TECR: variants seen among roughly 807,000 people sequenced by gnomAD.
The protein encoded by TECR is very-long-chain enoyl-CoA reductase.
In TECR, 19 loss-of-function variants were observed where a neutral mutation model predicts 50.6. That is an observed-to-expected ratio of 0.38 (90% CI 0.26 to 0.55). TECR has a LOEUF of 0.55. Ranked by LOEUF, TECR falls within the 20% of genes least tolerant of loss-of-function variation. The pLI, the probability that TECR is intolerant of heterozygous loss-of-function variation, is 0.79. For synonymous variants in TECR, 168 were observed against 163.5 expected (o/e 1.03, Z -0.21); for missense variants, 313 against 408.3 (o/e 0.77, Z 2.01).
intron 1 of TECR, among the ~76,000 whole-genome samples, chr19:14,546,741 G>A (rs113272284): frequency 0.2 from 29,743 of 151,978 alleles, 3,223 homozygotes; most frequent in South Asian, 0.38. Context: ...CTGGAGTGCC[G>A]TGTCGCGATC....
At chr19:14,556,413 A>AAAAAAAAAC (rs142293376) in intron 1 of TECR, among the ~76,000 whole-genome samples, 1 of 86,514 alleles carries the variant, frequency 1.2e-5, no homozygotes, top group Admixed American at 1.2e-4. Flanking sequence ...TCTCTCAAAA[A>AAAAAAAAAC]AAAAACAAAA....
intron 1 of TECR, among the ~76,000 whole-genome samples, chr19:14,549,541 G>C (rs1167594628): frequency 6.6e-6 from 1 of 152,000 alleles, no homozygotes; most frequent in African/African-American, 2.4e-5. Context: ...TGCCCAGCCT[G>C]GCCTCAAACT....
Position 14,549,867 on chromosome 19 carries a change from C to T in TECR, c.16-12658C>T, listed in dbSNP as rs1359728421. The stretch of plus-strand genomic sequence containing the variant: ...CTGAGGCAGGAGAATCACTGGAACT[C>T]GGCATGCGGAGGTTGCAGTGAGCCG... On this transcript the variant is annotated intron_variant, in intron 1 of 12. Transcript: ENST00000215567. Among the ~76,000 whole-genome samples, 3 of 151,734 alleles carry T rather than the reference C, an allele frequency of 2.0e-5. 1 individual carries two copies. Among genetic ancestry groups the T allele is most frequent in the South Asian group, 4.2e-4 (2 of 4,716 alleles).
intron 1 of TECR, among the ~76,000 whole-genome samples, chr19:14,547,266 G>T (rs2073339049): frequency 2.0e-5 from 3 of 152,140 alleles, no homozygotes. Context: ...CCGACAGTAG[G>T]CCAGAAATGA....
At chr19:14,535,205 TCCA>T (rs989341589) in intron 1 of TECR, among the ~76,000 whole-genome samples, 3 of 150,776 alleles carry the variant, frequency 2.0e-5, no homozygotes, top group African/African-American at 7.3e-5. Flanking sequence ...AAACCCCCTC[TCCA>T]CTAAAAATAT....
chr19:14,564,695 C>A, intron 7 of TECR, 91 bp from the exon 8 acceptor site: 2 of 1,416,220 alleles, frequency 1.4e-6, no homozygotes, highest in South Asian at 1.2e-5. Context: ...CCTTTCCCAC[C>A]ATGCTCCCAG....
At chr19:14,562,310 AG>A (rs2073927575) in intron 1 of TECR, 2 of 641,408 alleles carry the variant, frequency 3.1e-6, no homozygotes, top group African/African-American at 1.8e-5. Flanking sequence ...TCCCGTGGGG[AG>A]GTCGGTGGTG....
chr19:14,547,115 AAGAG>A (rs58601549), intron 1 of TECR, among the ~76,000 whole-genome samples: 75 of 152,180 alleles, frequency 4.9e-4, no homozygotes, highest in Non-Finnish European at 8.5e-4. Context: ...TCAAAGCAAA[AAGAG>A]AGCCAATGTT....
intron 1 of TECR, among the ~76,000 whole-genome samples, chr19:14,541,574 T>C (rs2073098934): frequency 1.3e-5 from 2 of 152,308 alleles, no homozygotes; most frequent in Non-Finnish European, 2.9e-5. Context: ...ACGAACCACA[T>C]TCTCTGTCCT....
At chr19:14,550,309 C>T (rs1030518244) in intron 1 of TECR, among the ~76,000 whole-genome samples, 1 of 152,062 alleles carries the variant, frequency 6.6e-6, no homozygotes, top group African/African-American at 2.4e-5. Flanking sequence ...TAGCTGCCGC[C>T]GCGTGTATAA....
chr19:14,563,747 G>A lies in TECR; in HGVS notation c.163+45G>A. ...CGGCCCGCCCCCTGGGCTCCTGGGT[G>A]GCAGTGGGAGAAGGCCCGGGTAGCC... On this transcript the variant is annotated intron_variant, in intron 4 of 12. Coordinates refer to ENST00000215567, the MANE Select transcript of TECR (RefSeq NM_138501.6). This position sits in a 1 kb window ranked among gnomAD's most constrained non-coding sequence, Gnocchi z 5.3. 1.2e-6 allele frequency: 2 copies of A among 1,612,862 alleles called. No individual in the cohort carries two copies. Among genetic ancestry groups the A allele is most frequent in the Non-Finnish European group, 1.7e-6 (2 of 1,179,832 alleles).
At chr19:14,558,476 CT>C (rs2073807586) in intron 1 of TECR, among the ~76,000 whole-genome samples, 1 of 152,166 alleles carries the variant, frequency 6.6e-6, no homozygotes, top group African/African-American at 2.4e-5. Context: ...TGACCTCGTG[CT>C]GCGACGAGTT....
At chr19:14,562,146 C>A (rs766236934) in intron 1 of TECR, 2 of 565,874 alleles carry the variant, frequency 3.5e-6, no homozygotes, top group Non-Finnish European at 6.3e-6. Flanking sequence ...TCCTGGGGGG[C>A]GCAGTCTGGG....
At chr19:14,551,745 C>G (rs2073515148) in intron 1 of TECR, among the ~76,000 whole-genome samples, 1 of 151,990 alleles carries the variant, frequency 6.6e-6, no homozygotes, top group South Asian at 2.1e-4. Flanking sequence ...GGGCTGGGTC[C>G]TCAGGCCAGG....
chr19:14,529,859 GC>G (rs1488175491), intron 1 of TECR, 148 bp downstream of exon 1: 4 of 1,109,502 alleles, frequency 3.6e-6, no homozygotes, highest in Non-Finnish European at 5.4e-6. Context: ...TGCGCCCCGG[GC>G]CACTCGTAAA....
In TECR at chr19:14,563,764, C is replaced by T. The variant is rs779237443; in HGVS notation, c.164-36C>T. 20 of 1,610,930 alleles carry T rather than the reference C, an allele frequency of 1.2e-5. No individual in the cohort carries two copies. In the East Asian group the frequency reaches 2.2e-4, roughly 18 times the overall value. On this transcript the variant is annotated intron_variant, in intron 4 of 12. Transcript: ENST00000215567. The surrounding 1 kb of genome is among the most constrained non-coding windows in gnomAD (Gnocchi z 5.3). ...TCCTGGGTGGCAGTGGGAGAAGGCC[C>T]GGGTAGCCCCTGAGCCCTGGCCCGC...
chr19:14,539,287 C>G (rs1015106559), intron 1 of TECR, among the ~76,000 whole-genome samples: 1 of 151,762 alleles, frequency 6.6e-6, no homozygotes, highest in Non-Finnish European at 1.5e-5. Flanking sequence ...AGCCACCACA[C>G]CTGGCTGCAA....
chr19:14,552,713 C>T (rs1430940783), intron 1 of TECR, among the ~76,000 whole-genome samples: 1 of 151,780 alleles, frequency 6.6e-6, no homozygotes, highest in Non-Finnish European at 1.5e-5. Context: ...TTTTTTTGTA[C>T]TTTTAGTAGA....
intron 1 of TECR, among the ~76,000 whole-genome samples, chr19:14,540,063 ATT>A (rs577605678): frequency 1.7e-5 from 2 of 116,424 alleles, no homozygotes; most frequent in African/African-American, 3.5e-5. Context: ...AATTTATTTA[ATT>A]TTTTTTTTTT....
Sources: allele counts gnomAD v4.1 joint callset (sites outside exome capture counted in the v4.1 genomes callset), GRCh38; gene constraint gnomAD v4.1.1; non-coding constraint Gnocchi (gnomAD v3.1); transcripts MANE v1.5; gene names NCBI Gene and HGNC (gene_info 2026-07-23, HGNC 2026-07-21).